SERPIND1: variants seen among roughly 807,000 people sequenced by gnomAD.
The protein encoded by SERPIND1 is heparin cofactor 2.
In SERPIND1, 34 loss-of-function variants were observed where a neutral mutation model predicts 35.0. The ratio of observed to expected loss-of-function variants is 0.97; its 90% confidence interval spans 0.74 to 1.29. The LOEUF is 1.29. Among genes scored for constraint, SERPIND1 ranks in the 50% most tolerant of loss-of-function variants. The probability of loss-of-function intolerance (pLI) is 0.00; values close to 1 mark genes in which losing one functional copy is unlikely to be tolerated. For missense variants in SERPIND1, 633 were observed against 637.7 expected (o/e 0.99, Z 0.08); for synonymous variants, 236 against 241.1 (o/e 0.98, Z 0.19).
In SERPIND1 at chr22:20,780,141, G is replaced by A. The variant is rs766250030; in HGVS notation, c.829G>A (p.Ala277Thr). The A allele has an allele frequency of 4.3e-6, 7 of 1,614,208 alleles. No individual in the cohort carries two copies. The highest frequency in any genetic ancestry group is 1.3e-5 in the African/African-American group (1 of 75,050). ...GCTCACCAAGGGCCTCATAAAAGATGCTCTGGAGAATATAGACCCTGCTAC... is the reference window on the plus strand; with the variant it reads ...GCTCACCAAGGGCCTCATAAAAGATACTCTGGAGAATATAGACCCTGCTAC... ...MKLTKGLIKD[A>T]LENIDPATQM... Residue 277 changes from alanine (A) to threonine (T), a missense_variant, in exon 2 of 5, where the codon GCT (alanine) becomes ACT (threonine). By Grantham distance (58) the Ala-to-Thr change is moderately conservative. Transcript: ENST00000215727.
At chr22:20,776,494 T>C (rs186961951) in intron 1 of SERPIND1, among the ~76,000 whole-genome samples, 2 of 152,292 alleles carry the variant, frequency 1.3e-5, no homozygotes, top group African/African-American at 2.4e-5. Context: ...TTCAAAAGTC[T>C]TTCTTAGTTG....
intron 3 of SERPIND1, 135 bp from the exon 4 acceptor site, chr22:20,785,869 C>G: frequency 2.3e-6 from 3 of 1,279,492 alleles, no homozygotes; most frequent in Non-Finnish European, 3.4e-6. Context: ...ACTGACAGTC[C>G]CGGAATATAA....
At chr22:20,786,601 GA>G (rs1934250916) in intron 4 of SERPIND1, among the ~76,000 whole-genome samples, 1 of 152,176 alleles carries the variant, frequency 6.6e-6, no homozygotes. Context: ...GCAGTGTGGG[GA>G]GCTGGAGCTG....
rs749392721 is a variant in SERPIND1 at position 20,779,568 on chromosome 22, T to C, written c.256T>C (p.Phe86Leu). Residue 86 changes from phenylalanine (F) to leucine (L), a missense_variant, in exon 2 of 5, where the codon TTC becomes CTC. By Grantham distance (22) the Phe-to-Leu change is conservative. Coordinates refer to ENST00000215727, the MANE Select transcript of SERPIND1 (RefSeq NM_000185.4). ...CGACTATCTGGACCTGGAGAAGATA[T>C]TCAGTGAAGACGACGACTACATCGA... is the stretch of plus-strand genomic sequence containing the variant. The part of the protein sequence containing the change: ...DDDYLDLEKI[F>L]SEDDDYIDIV... 6.2e-7 allele frequency: 1 copy of C among 1,614,200 alleles called. No individual in the cohort carries two copies. Among genetic ancestry groups the C allele is most frequent in the Non-Finnish European group, 8.5e-7 (1 of 1,180,000 alleles).
At chr22:20,776,876 A>C (rs555608284) in intron 1 of SERPIND1, among the ~76,000 whole-genome samples, 37 of 152,052 alleles carry the variant, frequency 2.4e-4, no homozygotes, top group African/African-American at 8.4e-4. Flanking sequence ...GTATCCGAAC[A>C]GTTACCCCAT....
chr22:20,780,043 A>G lies in SERPIND1; in HGVS notation c.731A>G (p.Tyr244Cys). 1 of 1,614,144 alleles carries G rather than the reference A, an allele frequency of 6.2e-7. No homozygotes were observed. Among genetic ancestry groups the G allele is most frequent in the Non-Finnish European group, 8.5e-7 (1 of 1,180,030 alleles). Residue 244 changes from tyrosine to cysteine, a missense_variant, in exon 2 of 5, where the codon TAC becomes TGC. Transcript: ENST00000215727. ...TTCAAAACTAAAGTAAGAGAGTATT[A>G]CTTTGCTGAGGCCCAGATAGCTGAC... is the stretch of plus-strand genomic sequence containing the variant. The part of the protein sequence containing the change: ...LDFKTKVREY[Y>C]FAEAQIADFS...
chr22:20,784,481 C>A (rs1301240131), intron 3 of SERPIND1, among the ~76,000 whole-genome samples: 1 of 152,170 alleles, frequency 6.6e-6, no homozygotes, highest in Non-Finnish European at 1.5e-5. Context: ...AAGTTAGAGG[C>A]AGATGACTTA....
At position 20,779,302 on chromosome 22, in the gene SERPIND1, G is replaced by C. The variant is rs1933553219; in HGVS notation, c.-11G>C. The C allele has an allele frequency of 6.2e-7, 1 of 1,613,958 alleles. No individual in the cohort carries two copies. The highest frequency in any genetic ancestry group is 1.7e-5 in the Admixed American group (1 of 60,006). On this transcript the variant is annotated 5_prime_UTR_variant, in exon 2 of 5. Transcript: ENST00000215727. ...TGTTCTGTTTTCCCTCCCAGCTTTAGCTCCGCCAAAATGAAACACTCATTA... is the reference window on the plus strand; with the variant it reads ...TGTTCTGTTTTCCCTCCCAGCTTTACCTCCGCCAAAATGAAACACTCATTA...
Position 20,780,307 on chromosome 22 carries a change from A to G in SERPIND1, c.889+106A>G. ...GTACTGTAGCTATAATTTATCCAGG[A>G]AAACTAGACACAAGATTGACTCTGG... On this transcript the variant is annotated intron_variant, in intron 2 of 4. Transcript: ENST00000215727. The G allele has an allele frequency of 2.6e-6, 4 of 1,533,290 alleles. 1 individual carries two copies. The South Asian group carries it at 4.5e-5, about 17-fold the overall frequency. The allele number at this position is 1,533,290 out of a possible 1,614,324, so 95.0% of individuals were successfully genotyped here.
rs1240553718 is a variant in SERPIND1 at position 20,783,899 on chromosome 22, A to G, written c.890-73A>G. The G allele has an allele frequency of 1.9e-6, 3 of 1,599,138 alleles. No individual in the cohort carries two copies. The Admixed American group carries it at 5.0e-5, about 27-fold the overall frequency. Reference sequence around the variant, plus strand: ...TGAATGAGGCCTCCAGGGAAATCAGATTCACTCTCAAGGGTGAGACGATTT... The same window carrying G: ...TGAATGAGGCCTCCAGGGAAATCAGGTTCACTCTCAAGGGTGAGACGATTT... On this transcript the variant is annotated intron_variant, in intron 2 of 4. Coordinates refer to ENST00000215727, the MANE Select transcript of SERPIND1 (RefSeq NM_000185.4).
At position 20,787,285 on chromosome 22, in the gene SERPIND1, TA is replaced by T. The variant is rs1934326440; in HGVS notation, c.*221del. 5.1e-6 allele frequency: 3 copies of T among 585,564 alleles called. No individual in the cohort carries two copies. The highest frequency in any genetic ancestry group is 3.7e-5 in the African/African-American group (2 of 53,666). The allele number at this position is 585,564 out of a possible 1,614,324, so 36.3% of individuals were successfully genotyped here. A position where few individuals can be genotyped will look rare whatever the true frequency, so the allele number is the denominator to read the frequency against. ...TGCTGTAAGCTCATAGAAGTCACTG[TA>T]ACTGTAGTGTGTCTGCTGTTACCTA... On this transcript the variant is annotated 3_prime_UTR_variant, in exon 5 of 5. Coordinates refer to ENST00000215727, the MANE Select transcript of SERPIND1 (RefSeq NM_000185.4).
chr22:20,780,218 C>T lies in SERPIND1; in HGVS notation c.889+17C>T. The stretch of plus-strand genomic sequence containing the variant: ...ACTTCAAAGGTAAGAGGCACCTTTA[C>T]AGTTCTCACAGCAAACCCACAACAT... On this transcript the variant is annotated intron_variant, in intron 2 of 4. Coordinates refer to ENST00000215727, the MANE Select transcript of SERPIND1 (RefSeq NM_000185.4). 1.2e-6 allele frequency: 2 copies of T among 1,614,204 alleles called. No individual in the cohort carries two copies. Among genetic ancestry groups the T allele is most frequent in the Non-Finnish European group, 1.7e-6 (2 of 1,180,036 alleles).
rs903828813 is a variant in SERPIND1, at chr22:20,787,494, A to G, written c.*428A>G. ...GACTAATTCCTTACCTCTCCCAAGG[A>G]GGGTACACAACTAGCACCATTCTTG... On this transcript the variant is annotated 3_prime_UTR_variant, in exon 5 of 5. Coordinates refer to ENST00000215727, the MANE Select transcript of SERPIND1 (RefSeq NM_000185.4). The G allele has an allele frequency of 9.7e-6, 3 of 308,348 alleles. No homozygotes were observed. Among genetic ancestry groups the G allele is most frequent in the Non-Finnish European group, 1.9e-5 (3 of 159,354 alleles). The allele number at this position is 308,348 out of a possible 1,614,324, so 19.1% of individuals were successfully genotyped here.
intron 4 of SERPIND1, 86 bp from the exon 5 acceptor site, chr22:20,786,789 T>G: frequency 7.5e-7 from 1 of 1,339,574 alleles, no homozygotes; most frequent in Non-Finnish European, 1.1e-6. Flanking sequence ...TTTGGATCCT[T>G]TCCCTGAATG....
At chr22:20,775,533 T>A (rs1435936047) in intron 1 of SERPIND1, among the ~76,000 whole-genome samples, 1 of 152,260 alleles carries the variant, frequency 6.6e-6, no homozygotes, top group Non-Finnish European at 1.5e-5. Flanking sequence ...ACTCTGCCAC[T>A]CTATCTGGCC....
At position 20,784,187 on chromosome 22, in the gene SERPIND1, C is replaced by T; in HGVS notation, c.1105C>T (p.Leu369Phe). Reference sequence around the variant, plus strand: ...ACACAAGATGTCTGGGATGAAGACCCTCGAAGCGCAACTGACACCCCGGGT... The same window carrying T: ...ACACAAGATGTCTGGGATGAAGACCTTCGAAGCGCAACTGACACCCCGGGT... ...VPHKMSGMKTLEAQLTPRVVE... is the reference protein window; with the variant it reads ...VPHKMSGMKTFEAQLTPRVVE... Residue 369 changes from leucine to phenylalanine, a missense_variant, in exon 3 of 5, where the codon CTC becomes TTC. By Grantham distance (22) the Leu-to-Phe change is conservative. Coordinates refer to ENST00000215727, the MANE Select transcript of SERPIND1 (RefSeq NM_000185.4). 2 of 1,614,132 alleles carry T rather than the reference C, an allele frequency of 1.2e-6. No homozygotes were observed. The highest frequency in any genetic ancestry group is 1.7e-6 in the Non-Finnish European group (2 of 1,180,032).
Position 20,780,725 on chromosome 22 carries a change from G to A in SERPIND1, c.889+524G>A, listed in dbSNP as rs553721445. 5.2e-4 allele frequency among the ~76,000 whole-genome samples: 74 copies of A among 141,406 alleles called. 1 individual carries two copies. The highest frequency in any genetic ancestry group is 4.5e-4 in the Non-Finnish European group (30 of 66,408). The allele number at this position is 141,406 out of a possible 152,430, so 92.8% of individuals were successfully genotyped here. On this transcript the variant is annotated intron_variant, in intron 2 of 4. Transcript: ENST00000215727. ...TGGAAGGCAGAGATTGCAGTGAGCC[G>A]AGACTGTGCCACTGCACTCTAGCCT... is the stretch of plus-strand genomic sequence containing the variant.
rs201834008 is a variant in SERPIND1 at position 20,786,173 on chromosome 22, G to A, written c.1308+25G>A. On this transcript the variant is annotated intron_variant, in intron 4 of 4. Coordinates refer to ENST00000215727, the MANE Select transcript of SERPIND1 (RefSeq NM_000185.4). ...GGTAACCACTCCCTTGTCCACCCCC[G>A]ACCCGTCCCCAGGGTCTGCCTCAGC... The A allele has an allele frequency of 2.9e-4, 475 of 1,613,066 alleles. 1 individual carries two copies. Among genetic ancestry groups the A allele is most frequent in the East Asian group, 3.6e-4 (16 of 44,862 alleles).
chr22:20,781,818 A>G (rs1933823046), intron 2 of SERPIND1, among the ~76,000 whole-genome samples: 1 of 152,216 alleles, frequency 6.6e-6, no homozygotes, highest in Non-Finnish European at 1.5e-5. Flanking sequence ...TGGTTTCACC[A>G]CTTCTCGTTT....
Sources: allele counts gnomAD v4.1 joint callset (sites outside exome capture counted in the v4.1 genomes callset), GRCh38; gene constraint gnomAD v4.1.1; transcripts MANE v1.5; gene names NCBI Gene and HGNC (gene_info 2026-07-23, HGNC 2026-07-21).